The following UBASH3B variants were observed in gnomAD, a reference collection of about 807,000 sequenced individuals.
UBASH3B encodes ubiquitin-associated and SH3 domain-containing protein B.
In UBASH3B, 37 loss-of-function variants were observed where a neutral mutation model predicts 83.4. The observed-to-expected ratio is 0.44, with a 90% CI of 0.34 to 0.58. UBASH3B has a LOEUF of 0.58. Among genes scored for constraint, UBASH3B ranks in the 20% least tolerant of loss-of-function variants. The probability of loss-of-function intolerance (pLI) is 0.01; values close to 1 mark genes in which losing one functional copy is unlikely to be tolerated. For missense variants in UBASH3B, 657 were observed against 827.2 expected (o/e 0.79, Z 2.52); for synonymous variants, 304 against 318.3 (o/e 0.96, Z 0.48).
intron 1 of UBASH3B, among the ~76,000 whole-genome samples, chr11:122,722,476 T>C (rs551111301): frequency 2.0e-5 from 3 of 152,290 alleles, no homozygotes; most frequent in African/African-American, 7.2e-5. Flanking sequence ...CTCTGGATAT[T>C]TTGAGACTGT....
intron 1 of UBASH3B, among the ~76,000 whole-genome samples, chr11:122,664,557 T>C (rs772326090): frequency 6.6e-6 from 1 of 152,160 alleles, no homozygotes. Flanking sequence ...CCCTGGAGGA[T>C]GGGTGGGTAG....
At chr11:122,767,083 G>A (rs900527035) in intron 1 of UBASH3B, among the ~76,000 whole-genome samples, 1 of 152,036 alleles carries the variant, frequency 6.6e-6, no homozygotes, top group Non-Finnish European at 1.5e-5. Context: ...ATCGAGACCA[G>A]CCTGACCAAC....
intron 9 of UBASH3B, 163 bp downstream of exon 9, chr11:122,797,196 T>C (rs1861171660): frequency 3.0e-6 from 3 of 994,950 alleles, no homozygotes; most frequent in East Asian, 5.4e-5. Context: ...TTTAGGACAC[T>C]GTGCTCAGCC....
chr11:122,693,912 C>T (rs969318629), intron 1 of UBASH3B, among the ~76,000 whole-genome samples: 8 of 152,106 alleles, frequency 5.3e-5, no homozygotes, highest in South Asian at 2.1e-4. Flanking sequence ...TGAGGCTAAG[C>T]GATGCATCCA....
chr11:122,664,903 G>C (rs11606532), intron 1 of UBASH3B, among the ~76,000 whole-genome samples: 2 of 152,040 alleles, frequency 1.3e-5, no homozygotes, highest in Non-Finnish European at 2.9e-5. Flanking sequence ...AGTGACCCTC[G>C]GAGGGCAGGC....
intron 1 of UBASH3B, among the ~76,000 whole-genome samples, chr11:122,713,372 G>C (rs1864225764): frequency 6.6e-6 from 1 of 152,172 alleles, no homozygotes; most frequent in Non-Finnish European, 1.5e-5. Context: ...TGCGGCATCA[G>C]ACGAATGCAT....
rs1167235404 is a variant in UBASH3B at position 122,806,189 on chromosome 11, C to T, written c.1596-221C>T. On this transcript the variant is annotated intron_variant, in intron 11 of 13. Coordinates refer to ENST00000284273, the MANE Select transcript of UBASH3B (RefSeq NM_032873.5). The surrounding 1 kb of genome is among the most constrained non-coding windows in gnomAD (Gnocchi z 4.0). Reference sequence around the variant, plus strand: ...GAATGTCTCATTTTTCACCTGGTCACTGTAACGCCATACACATAGCTGTTA... The same window carrying T: ...GAATGTCTCATTTTTCACCTGGTCATTGTAACGCCATACACATAGCTGTTA... Among the ~76,000 whole-genome samples, 1 of 152,180 alleles carries T rather than the reference C, an allele frequency of 6.6e-6. No homozygotes were observed. Among genetic ancestry groups the T allele is most frequent in the Non-Finnish European group, 1.5e-5 (1 of 68,036 alleles).
intron 1 of UBASH3B, among the ~76,000 whole-genome samples, chr11:122,766,342 C>G (rs1413476433): frequency 6.6e-6 from 1 of 152,080 alleles, no homozygotes; most frequent in African/African-American, 2.4e-5. Flanking sequence ...GTCAGGAGAT[C>G]GAGACCATCC....
chr11:122,714,499 A>G (rs1396954199), intron 1 of UBASH3B, among the ~76,000 whole-genome samples: 1 of 152,172 alleles, frequency 6.6e-6, no homozygotes, highest in Non-Finnish European at 1.5e-5. Context: ...TGAGAGGCAG[A>G]CCTCTTTTTC....
intron 1 of UBASH3B, among the ~76,000 whole-genome samples, chr11:122,707,338 A>C (rs1864134080): frequency 6.6e-6 from 1 of 151,928 alleles, no homozygotes; most frequent in African/African-American, 2.4e-5. Flanking sequence ...TCTGACGGGG[A>C]GTGGTAACCT....
At chr11:122,749,275 A>C (rs1467852870) in intron 1 of UBASH3B, among the ~76,000 whole-genome samples, 2 of 152,250 alleles carry the variant, frequency 1.3e-5, no homozygotes, top group Admixed American at 6.5e-5. Flanking sequence ...AAATGATACT[A>C]ATCTCTGAGC....
At chr11:122,668,900 G>A (rs1863555298) in intron 1 of UBASH3B, among the ~76,000 whole-genome samples, 1 of 152,132 alleles carries the variant, frequency 6.6e-6, no homozygotes, top group Admixed American at 6.5e-5. Flanking sequence ...CTGTTTCAGA[G>A]AGGCTAATTC....
chr11:122,760,301 G>T (rs974763875), intron 1 of UBASH3B, among the ~76,000 whole-genome samples: 1 of 152,130 alleles, frequency 6.6e-6, no homozygotes, highest in African/African-American at 2.4e-5. Context: ...GAGCTAGCCA[G>T]GTAACTGAGG....
chr11:122,807,173 C>A (rs1371193475), intron 12 of UBASH3B, among the ~76,000 whole-genome samples: 1 of 152,174 alleles, frequency 6.6e-6, no homozygotes, highest in Non-Finnish European at 1.5e-5. Flanking sequence ...CATAAAGGTA[C>A]ACAACATGTT....
chr11:122,791,296 G>A (rs1247792279), intron 6 of UBASH3B, among the ~76,000 whole-genome samples: 1 of 152,220 alleles, frequency 6.6e-6, no homozygotes, highest in African/African-American at 2.4e-5. Flanking sequence ...CTTACCAGCT[G>A]TGTGGCCTTG....
At chr11:122,768,296 C>T (rs937867387) in intron 1 of UBASH3B, among the ~76,000 whole-genome samples, 1 of 152,108 alleles carries the variant, frequency 6.6e-6, no homozygotes, top group Non-Finnish European at 1.5e-5. Flanking sequence ...AATGACTCTC[C>T]TGTCAAGAGG....
chr11:122,768,419 C>CAT (rs760099305), intron 1 of UBASH3B, among the ~76,000 whole-genome samples: 23 of 150,294 alleles, frequency 1.5e-4, no homozygotes, highest in East Asian at 9.7e-4. Flanking sequence ...TGTATTTACT[C>CAT]ATATATATAT....
At chr11:122,661,874 CA>C (rs1384176688) in intron 1 of UBASH3B, among the ~76,000 whole-genome samples, 218 of 116,060 alleles carry the variant, frequency 1.9e-3, no homozygotes, top group East Asian at 0.013. Context: ...AAAAAAAAAA[CA>C]AAAAAAAAAA....
At chr11:122,670,706 G>A (rs1172169241) in intron 1 of UBASH3B, among the ~76,000 whole-genome samples, 1 of 152,052 alleles carries the variant, frequency 6.6e-6, no homozygotes, top group Non-Finnish European at 1.5e-5. Flanking sequence ...GTGTGTTTCT[G>A]TTTCCTCCCC....
Sources: gnomAD v4.1 joint callset for allele counts (sites outside exome capture counted in the v4.1 genomes callset) on GRCh38, gnomAD v4.1.1 for gene constraint, Gnocchi (gnomAD v3.1) non-coding constraint, MANE v1.5 for transcripts, NCBI Gene and HGNC (gene_info 2026-07-23, HGNC 2026-07-21) for gene names.